ADI1: variants seen among roughly 807,000 people sequenced by gnomAD.
The protein encoded by ADI1 is acireductone dioxygenase.
ADI1 carries 21 observed loss-of-function variants against 18.7 expected under a neutral mutation model. That is an observed-to-expected ratio of 1.13 (90% CI 0.80 to 1.62). ADI1 has a LOEUF of 1.62. ADI1 is among the 40% of genes most tolerant of loss of function. The pLI is 0.00. For synonymous variants in ADI1, 90 were observed against 100.1 expected, an observed-to-expected ratio of 0.90 and a Z score of 0.60; for missense variants, 245 against 254.9, an observed-to-expected ratio of 0.96 and a Z score of 0.26.
intron 2 of ADI1, among the ~76,000 whole-genome samples, chr2:3,512,949 G>C (rs1209257914): frequency 2.0e-5 from 3 of 152,244 alleles, no homozygotes; most frequent in Admixed American, 6.5e-5. Flanking sequence ...GCTGCCTAAG[G>C]CCTTGGGAGC....
At chr2:3,508,995 AGAAG>A (rs1474516733) in intron 2 of ADI1, among the ~76,000 whole-genome samples, 22 of 123,988 alleles carry the variant, frequency 1.8e-4, no homozygotes, top group African/African-American at 5.4e-4. Flanking sequence ...AAGGAAGGAA[AGAAG>A]GAAGGAAGGG....
chr2:3,502,965 A>T (rs1408583321), intron 2 of ADI1, among the ~76,000 whole-genome samples: 3 of 152,146 alleles, frequency 2.0e-5, no homozygotes, highest in Non-Finnish European at 4.4e-5. Flanking sequence ...GTGAGAGGAA[A>T]GATACAAATA....
At chr2:3,500,124 C>T (rs1192834107) in intron 3 of ADI1, among the ~76,000 whole-genome samples, 2 of 151,330 alleles carry the variant, frequency 1.3e-5, no homozygotes, top group African/African-American at 4.9e-5. Context: ...TGTAAAGTCA[C>T]TCTAAAAATA....
chr2:3,513,843 C>T lies in ADI1; in HGVS notation c.240+14G>A. 1 of 1,583,962 alleles carries T rather than the reference C, an allele frequency of 6.3e-7. No homozygotes were observed. On this transcript the variant is annotated intron_variant, in intron 2 of 3. Transcript: ENST00000327435. ...AATGATACTTCTTTTCCAGGTAATC[C>T]AGGGCTCCCTTACCTTTTCTTCATA...
In ADI1 at chr2:3,514,071, A is replaced by C. The variant is rs559672546; in HGVS notation, c.121-95T>G. ...GATCTCCAATATGATTTTATACTCC[A>C]AATTTATCATTTGTTATTTTTTCAA... On this transcript the variant is annotated intron_variant, in intron 1 of 3. Coordinates refer to ENST00000327435, the MANE Select transcript of ADI1 (RefSeq NM_018269.4). The C allele has an allele frequency of 1.9e-5, 27 of 1,409,370 alleles. No individual in the cohort carries two copies. In the East Asian group the frequency reaches 6.4e-4, roughly 33 times the overall value. The allele number at this position is 1,409,370 out of a possible 1,614,324, so 87.3% of individuals were successfully genotyped here.
At chr2:3,509,973 G>GT (rs1667262144) in intron 2 of ADI1, among the ~76,000 whole-genome samples, 3 of 151,916 alleles carry the variant, frequency 2.0e-5, no homozygotes, top group Admixed American at 6.6e-5. Flanking sequence ...GAGAAACCCC[G>GT]TATCTACTAA....
intron 1 of ADI1, chr2:3,516,140 T>C: frequency 1.3e-6 from 1 of 796,312 alleles, no homozygotes; most frequent in Non-Finnish European, 1.5e-6. Flanking sequence ...CTTTAGGATG[T>C]GATTAAGTCA....
chr2:3,517,076 C>A, intron 1 of ADI1: 1 of 306,972 alleles, frequency 3.3e-6, no homozygotes, highest in Non-Finnish European at 4.8e-6. Flanking sequence ...AGGATGAGAC[C>A]AAACCAAAAT....
chr2:3,518,371 G>C (rs1572241565), intron 1 of ADI1, among the ~76,000 whole-genome samples: 1 of 152,208 alleles, frequency 6.6e-6, no homozygotes, highest in East Asian at 1.9e-4. Context: ...ATGAAGATTA[G>C]ATCCAGTCAC....
At chr2:3,503,329 GCA>G (rs1178561090) in intron 2 of ADI1, among the ~76,000 whole-genome samples, 1 of 140,688 alleles carries the variant, frequency 7.1e-6, no homozygotes, top group Non-Finnish European at 1.5e-5. Flanking sequence ...TCACACACAT[GCA>G]CACATACACA....
Position 3,503,185 on chromosome 2 carries a change from G to GCA in ADI1, c.241-2194_241-2193dup, listed in dbSNP as rs1330772303. On this transcript the variant is annotated intron_variant, in intron 2 of 3. Coordinates refer to ENST00000327435, the MANE Select transcript of ADI1 (RefSeq NM_018269.4). ...CACATGCGTACATTCACACTCACAT[G>GCA]CACACATACATGCATGCATTCACAC... Among the ~76,000 whole-genome samples, 499 of 150,594 alleles carry GCA rather than the reference G, an allele frequency of 3.3e-3. 5 individuals carry two copies. The highest frequency in any genetic ancestry group is 0.012 in the African/African-American group (478 of 40,784).
chr2:3,516,944 C>A (rs563308061), intron 1 of ADI1: 122 of 984,884 alleles, frequency 1.2e-4, no homozygotes, highest in Middle Eastern at 1.0e-3. Flanking sequence ...GAGATGAGGT[C>A]TCAAACTTCT....
chr2:3,499,779 T>A (rs1666951165), intron 3 of ADI1, among the ~76,000 whole-genome samples: 1 of 152,042 alleles, frequency 6.6e-6, no homozygotes, highest in Non-Finnish European at 1.5e-5. Flanking sequence ...AATGAAACAG[T>A]CCCCAGTGAA....
intron 1 of ADI1, chr2:3,515,487 A>G (rs957729686): frequency 6.6e-6 from 1 of 152,280 alleles, no homozygotes; most frequent in African/African-American, 2.4e-5. Flanking sequence ...TATCAAGACA[A>G]TATGTGCAGC....
chr2:3,498,819 T>C lies in ADI1; in HGVS notation c.*144A>G. 1 of 1,366,676 alleles carries C rather than the reference T, an allele frequency of 7.3e-7. No homozygotes were observed. Among genetic ancestry groups the C allele is most frequent in the Non-Finnish European group, 9.9e-7 (1 of 1,011,542 alleles). The allele number at this position is 1,366,676 out of a possible 1,614,324, so 84.7% of individuals were successfully genotyped here. ...CTTTCTAGATCCTTTCATTACAAAA[T>C]ATTCTGATCAAATAATCTTACAAAG... is the stretch of plus-strand genomic sequence containing the variant. On this transcript the variant is annotated 3_prime_UTR_variant, in exon 4 of 4. Transcript: ENST00000327435.
intron 2 of ADI1, among the ~76,000 whole-genome samples, chr2:3,512,651 A>T (rs1220636091): frequency 6.6e-6 from 1 of 152,182 alleles, no homozygotes; most frequent in Admixed American, 6.5e-5. Flanking sequence ...GATTTCAGAG[A>T]ATGTATGGAA....
At position 3,513,936 on chromosome 2, in the gene ADI1, T is replaced by C. The variant is rs1667344770; in HGVS notation, c.161A>G (p.Lys54Arg). 6.2e-7 allele frequency: 1 copy of C among 1,612,094 alleles called. No individual in the cohort carries two copies. The highest frequency in any genetic ancestry group is 8.5e-7 in the Non-Finnish European group (1 of 1,179,660). ...GGAGTAGTTCCTCTCTCTTCGGATC[T>C]TTTCTAATTCTGGATCATTCTCATA... ...DKYENDPELE[K>R]IRRERNYSWM... Residue 54 changes from lysine to arginine, a missense_variant, in exon 2 of 4, where the codon AAG (lysine) becomes AGG (arginine). Coordinates refer to ENST00000327435, the MANE Select transcript of ADI1 (RefSeq NM_018269.4).
intron 1 of ADI1, among the ~76,000 whole-genome samples, chr2:3,518,096 C>G (rs1667447017): frequency 6.6e-6 from 1 of 152,162 alleles, no homozygotes; most frequent in Non-Finnish European, 1.5e-5. Flanking sequence ...TAATGGAAAA[C>G]TATAAACCAC....
chr2:3,514,784 G>A, intron 1 of ADI1: 3 of 1,547,292 alleles, frequency 1.9e-6, no homozygotes, highest in Non-Finnish European at 2.6e-6. Flanking sequence ...GCAATAAACT[G>A]CACATTATAT....
Sources: allele counts gnomAD v4.1 joint callset (sites outside exome capture counted in the v4.1 genomes callset), GRCh38; gene constraint gnomAD v4.1.1; transcripts MANE v1.5; gene names NCBI Gene and HGNC (gene_info 2026-07-23, HGNC 2026-07-21).